Variants in LRRTM4 observed in about 807,000 individuals in gnomAD.
LRRTM4 encodes the protein leucine-rich repeat transmembrane neuronal protein 4.
In LRRTM4, 25 loss-of-function variants were observed where a neutral mutation model predicts 47.6. The observed-to-expected ratio is 0.53, with a 90% CI of 0.38 to 0.73. The LOEUF (loss-of-function observed/expected upper bound fraction) is 0.73. Among genes scored for constraint, LRRTM4 ranks in the 30% least tolerant of loss-of-function variants. LRRTM4 has a pLI of 0.00. For missense variants in LRRTM4, 638 were observed against 713.4 expected (o/e 0.89, Z 1.20); for synonymous variants, 311 against 269.5 (o/e 1.15, Z -1.51).
intron 3 of LRRTM4, among the ~76,000 whole-genome samples, chr2:76,936,635 ACT>A (rs557350000): frequency 4.0e-5 from 6 of 150,346 alleles, no homozygotes; most frequent in Non-Finnish European, 7.4e-5. Flanking sequence ...AGTGATACTC[ACT>A]CTTTACTGGC....
chr2:77,230,018 G>A (rs1674921178), intron 3 of LRRTM4, among the ~76,000 whole-genome samples: 1 of 151,982 alleles, frequency 6.6e-6, no homozygotes, highest in Non-Finnish European at 1.5e-5. Context: ...AAATAATACA[G>A]GAGAGCAAGT....
At chr2:76,886,130 C>A (rs1338732050) in intron 3 of LRRTM4, among the ~76,000 whole-genome samples, 1 of 151,976 alleles carries the variant, frequency 6.6e-6, no homozygotes, top group Non-Finnish European at 1.5e-5. Context: ...TAAAGAAAAG[C>A]AAAAACTGAC....
intron 3 of LRRTM4, among the ~76,000 whole-genome samples, chr2:77,397,343 A>C (rs1673743503): frequency 6.6e-6 from 1 of 151,862 alleles, no homozygotes; most frequent in Non-Finnish European, 1.5e-5. Context: ...TGAAAGTATC[A>C]TAAAAAGGGG....
At chr2:77,095,297 C>G (rs909638868) in intron 3 of LRRTM4, among the ~76,000 whole-genome samples, 2 of 152,068 alleles carry the variant, frequency 1.3e-5, no homozygotes, top group South Asian at 2.1e-4. Flanking sequence ...TCTGTATCTT[C>G]TCGTTGAGAA....
At chr2:76,944,666 C>G (rs1038295107) in intron 3 of LRRTM4, among the ~76,000 whole-genome samples, 3 of 152,030 alleles carry the variant, frequency 2.0e-5, no homozygotes, top group African/African-American at 7.2e-5. Context: ...CTCGTCTGCT[C>G]TCTTCAATTT....
chr2:77,103,147 T>A (rs1166552228), intron 3 of LRRTM4, among the ~76,000 whole-genome samples: 1 of 152,166 alleles, frequency 6.6e-6, no homozygotes. Context: ...ATTCCAGGTT[T>A]CATTTGGGGG....
Position 76,935,458 on chromosome 2 carries a change from C to T in LRRTM4, c.1552-186542G>A, listed in dbSNP as rs190185409. Among the ~76,000 whole-genome samples the T allele has an allele frequency of 4.4e-3, 668 of 152,196 alleles. 9 individuals are homozygous for T. The highest frequency in any genetic ancestry group is 0.015 in the African/African-American group (632 of 41,532). On this transcript the variant is annotated intron_variant, in intron 3 of 3. Transcript: ENST00000409884. The stretch of plus-strand genomic sequence containing the variant: ...ACTTTGGGCAGTATGGCCATTTTCA[C>T]GATACTGAGTCTTCCTATCCATGAG...
chr2:77,329,552 A>C (rs1670895884), intron 3 of LRRTM4, among the ~76,000 whole-genome samples: 1 of 152,184 alleles, frequency 6.6e-6, no homozygotes, highest in African/African-American at 2.4e-5. Flanking sequence ...TACTAAGAAA[A>C]AAATAAATCT....
In LRRTM4 at chr2:76,779,891, G is replaced by A. The variant is rs529549029; in HGVS notation, c.1552-30975C>T. Among the ~76,000 whole-genome samples the A allele has an allele frequency of 2.1e-3, 320 of 151,724 alleles. 3 individuals are homozygous for A. The highest frequency in any genetic ancestry group is 5.1e-3 in the African/African-American group (211 of 41,364). On this transcript the variant is annotated intron_variant, in intron 3 of 3. Coordinates refer to ENST00000409884, the MANE Select transcript of LRRTM4 (RefSeq NM_001134745.3). Reference sequence around the variant, plus strand: ...TTACATTTTGGCATGATTTTGCAGCGGCTGGTACCGGTTGTTCCTTTCCAT... The same window carrying A: ...TTACATTTTGGCATGATTTTGCAGCAGCTGGTACCGGTTGTTCCTTTCCAT...
At chr2:77,277,936 C>A (rs1249439762) in intron 3 of LRRTM4, among the ~76,000 whole-genome samples, 1 of 151,908 alleles carries the variant, frequency 6.6e-6, no homozygotes, top group Non-Finnish European at 1.5e-5. Flanking sequence ...GAATTAAATT[C>A]ATTTGCTAGG....
At position 76,799,446 on chromosome 2, in the gene LRRTM4, G is replaced by A. The variant is rs1276405931; in HGVS notation, c.1552-50530C>T. Among the ~76,000 whole-genome samples the A allele has an allele frequency of 2.6e-4, 36 of 137,598 alleles. 2 individuals carry two copies. The highest frequency in any genetic ancestry group is 5.5e-4 in the African/African-American group (20 of 36,314). The allele number at this position is 137,598 out of a possible 152,430, so 90.3% of individuals were successfully genotyped here. ...TCAATAAATTAGGTATTGATGGGAC[G>A]TATCTCAAAATAATAAGAGCTATCT... On this transcript the variant is annotated intron_variant, in intron 3 of 3. Coordinates refer to ENST00000409884, the MANE Select transcript of LRRTM4 (RefSeq NM_001134745.3).
At chr2:76,792,252 C>T (rs1158696063) in intron 3 of LRRTM4, among the ~76,000 whole-genome samples, 1 of 151,848 alleles carries the variant, frequency 6.6e-6, no homozygotes. Flanking sequence ...TTAAAAACAA[C>T]AAAATAACCA....
Position 76,775,946 on chromosome 2 carries a change from C to T in LRRTM4, c.1552-27030G>A, listed in dbSNP as rs530138830. On this transcript the variant is annotated intron_variant, in intron 3 of 3. Coordinates refer to ENST00000409884, the MANE Select transcript of LRRTM4 (RefSeq NM_001134745.3). Reference sequence around the variant, plus strand: ...CAACAGTCCCCAGAGTGTGATATTCCCCTTCCTGTGTCCATATGATCTTAT... The same window carrying T: ...CAACAGTCCCCAGAGTGTGATATTCTCCTTCCTGTGTCCATATGATCTTAT... Among the ~76,000 whole-genome samples, 12 of 149,512 alleles carry T rather than the reference C, an allele frequency of 8.0e-5. No individual in the cohort carries two copies. The South Asian group carries it at 2.4e-3, about 30-fold the overall frequency.
chr2:76,768,970 C>A (rs1673571915), intron 3 of LRRTM4, among the ~76,000 whole-genome samples: 1 of 152,110 alleles, frequency 6.6e-6, no homozygotes. Flanking sequence ...ATGTACACAT[C>A]ACTCTAGTTA....
At chr2:76,761,527 T>C (rs1395642486) in intron 3 of LRRTM4, among the ~76,000 whole-genome samples, 1 of 152,230 alleles carries the variant, frequency 6.6e-6, no homozygotes, top group Non-Finnish European at 1.5e-5. Context: ...CTTGCAGTGA[T>C]GGCAAAGTGC....
intron 3 of LRRTM4, among the ~76,000 whole-genome samples, chr2:77,134,787 G>A (rs897894397): frequency 6.6e-6 from 1 of 152,102 alleles, no homozygotes; most frequent in East Asian, 1.9e-4. Context: ...CAAAAAAAGG[G>A]GGGATATCTT....
intron 3 of LRRTM4, among the ~76,000 whole-genome samples, chr2:77,437,527 G>A (rs1454461344): frequency 1.3e-5 from 2 of 151,958 alleles, no homozygotes; most frequent in East Asian, 1.9e-4. Context: ...ATAAAAGAAA[G>A]AAATCTCATT....
At chr2:76,806,064 G>T (rs1675950885) in intron 3 of LRRTM4, among the ~76,000 whole-genome samples, 1 of 152,098 alleles carries the variant, frequency 6.6e-6, no homozygotes, top group Non-Finnish European at 1.5e-5. Flanking sequence ...AAACTAAGAT[G>T]CACGTACAGA....
chr2:77,147,367 T>C (rs1024947992), intron 3 of LRRTM4, among the ~76,000 whole-genome samples: 1 of 152,152 alleles, frequency 6.6e-6, no homozygotes, highest in Non-Finnish European at 1.5e-5. Context: ...GGAGCACATT[T>C]AATTAGGACA....
Sources: allele counts gnomAD v4.1 joint callset (sites outside exome capture counted in the v4.1 genomes callset), GRCh38; gene constraint gnomAD v4.1.1; transcripts MANE v1.5; gene names NCBI Gene and HGNC (gene_info 2026-07-23, HGNC 2026-07-21).